Variants in PGAP1 observed in about 807,000 individuals in gnomAD.
The protein encoded by PGAP1 is post-GPI attachment to proteins inositol deacylase 1.
In PGAP1, 76 loss-of-function variants were observed where a neutral mutation model predicts 127.0. The observed-to-expected ratio is 0.60, with a 90% confidence interval of 0.50 to 0.72. PGAP1 has a LOEUF of 0.72. Among genes scored for constraint, PGAP1 ranks in the 30% least tolerant of loss-of-function variants. The pLI is 0.00. For synonymous variants in PGAP1, 362 were observed against 366.5 expected, an observed-to-expected ratio of 0.99 and a Z score of 0.14; for missense variants, 982 against 1,071.3, an observed-to-expected ratio of 0.92 and a Z score of 1.16.
chr2:196,922,213 C>G (rs1703218621), intron 1 of PGAP1: 5 of 1,288,934 alleles, frequency 3.9e-6, no homozygotes, highest in Non-Finnish European at 5.1e-6. Flanking sequence ...GGTAAAAATT[C>G]TAATAAACTC....
Position 196,885,436 on chromosome 2 carries a change from C to A in PGAP1, c.1260G>T (p.Leu420=). 6.2e-7 allele frequency: 1 copy of A among 1,600,854 alleles called. No individual in the cohort carries two copies. ...GVDLSWKAEL[L]PTIKYLTLRL... ...AGCCATAATTTACCTTAATTGTTGG[C>A]AGCAGTTCAGCTTTCCATGATAAAT... The change falls in exon 12 of 27, where the codon CTG becomes CTT. Residue 420 remains leucine (L), a synonymous_variant. Coordinates refer to ENST00000354764, the MANE Select transcript of PGAP1 (RefSeq NM_024989.4).
rs1700335267 is a variant in PGAP1 at position 196,839,267 on chromosome 2, T to C, written c.*1967A>G. 6.6e-6 allele frequency: 1 copy of C among 152,588 alleles called. No individual in the cohort carries two copies. The highest frequency in any genetic ancestry group is 2.1e-4 in the South Asian group (1 of 4,828). 9.5% of individuals were successfully genotyped at this position (152,588 alleles called of 1,614,324 possible). On this transcript the variant is annotated 3_prime_UTR_variant, in exon 27 of 27. Transcript: ENST00000354764. ...AGAAATAGTTTAAGGACACATGTAATCTGTAACTTGAGATACACTAAAATA... is the reference window on the plus strand; with the variant it reads ...AGAAATAGTTTAAGGACACATGTAACCTGTAACTTGAGATACACTAAAATA...
chr2:196,842,667 G>C, intron 26 of PGAP1, 54 bp downstream of exon 26: 1 of 830,702 alleles, frequency 1.2e-6, no homozygotes, highest in Admixed American at 2.6e-5. Flanking sequence ...TAGATATAAA[G>C]GGGGAAAAAG....
chr2:196,913,092 T>C (rs1361987401), intron 3 of PGAP1, 39 bp from the exon 4 acceptor site: 2 of 1,552,348 alleles, frequency 1.3e-6, no homozygotes, highest in Admixed American at 4.0e-5. Context: ...TGCGGCTTTG[T>C]ATCATTTTTA....
chr2:196,885,035 C>T (rs1445822286), intron 12 of PGAP1, among the ~76,000 whole-genome samples: 1 of 152,082 alleles, frequency 6.6e-6, no homozygotes, highest in Non-Finnish European at 1.5e-5. Flanking sequence ...TTGAGATGTC[C>T]ACTTCCCAAC....
intron 13 of PGAP1, among the ~76,000 whole-genome samples, chr2:196,878,407 A>C (rs959175150): frequency 6.6e-6 from 1 of 152,150 alleles, no homozygotes; most frequent in Non-Finnish European, 1.5e-5. Context: ...TCAGGGGTTG[A>C]ATTTTCCAAT....
Position 196,845,917 on chromosome 2 carries a change from C to T in PGAP1, c.2251G>A (p.Ala751Thr), listed in dbSNP as rs1700544463. Residue 751 changes from alanine to threonine, a missense_variant, in exon 23 of 27, where the codon GCC becomes ACC. By Grantham distance (58) the Ala-to-Thr change is moderately conservative. Coordinates refer to ENST00000354764, the MANE Select transcript of PGAP1 (RefSeq NM_024989.4). ...IVSWTTCGAL[A>T]ILLSYLYYVF... ...TAGTAAAGATAAGAAAGAAGTATGG[C>T]TAGTGCTCCACAAGTTGTCCAACTA... is the stretch of plus-strand genomic sequence containing the variant. The T allele has an allele frequency of 6.2e-7, 1 of 1,608,800 alleles. No homozygotes were observed.
At chr2:196,899,632 A>G (rs944858188) in intron 5 of PGAP1, among the ~76,000 whole-genome samples, 2 of 152,236 alleles carry the variant, frequency 1.3e-5, no homozygotes, top group African/African-American at 4.8e-5. Flanking sequence ...ACAAATCAAA[A>G]AGTCAGTTGC....
In PGAP1 at chr2:196,926,666, C is replaced by G. The variant is rs200058523; in HGVS notation, c.-50G>C. On this transcript the variant is annotated 5_prime_UTR_variant, in exon 1 of 27. Coordinates refer to ENST00000354764, the MANE Select transcript of PGAP1 (RefSeq NM_024989.4). ...GCCGCCGCCCCCTCTACCTCCTTCT[C>G]CGCCGCGGGGCCCCAAGCCCGGACT... 6.2e-7 allele frequency: 1 copy of G among 1,611,114 alleles called. No individual in the cohort carries two copies. Among genetic ancestry groups the G allele is most frequent in the African/African-American group, 1.3e-5 (1 of 74,936 alleles).
chr2:196,898,284 T>C, intron 6 of PGAP1, 33 bp downstream of exon 6: 3 of 1,456,378 alleles, frequency 2.1e-6, no homozygotes, highest in Non-Finnish European at 2.9e-6. Context: ...CCATGACAAC[T>C]CATCAAAACA....
chr2:196,900,701 G>A (rs1391570269), intron 5 of PGAP1, among the ~76,000 whole-genome samples: 1 of 152,154 alleles, frequency 6.6e-6, no homozygotes, highest in East Asian at 1.9e-4. Flanking sequence ...CAAGGCAGGT[G>A]AACCACGAGG....
At chr2:196,877,330 G>A (rs902634707) in intron 13 of PGAP1, among the ~76,000 whole-genome samples, 1 of 152,070 alleles carries the variant, frequency 6.6e-6, no homozygotes, top group Non-Finnish European at 1.5e-5. Flanking sequence ...GTCATGTTCT[G>A]ATGATGAGCT....
At chr2:196,919,677 T>A (rs938179947) in intron 2 of PGAP1, among the ~76,000 whole-genome samples, 1 of 152,190 alleles carries the variant, frequency 6.6e-6, no homozygotes, top group Non-Finnish European at 1.5e-5. Flanking sequence ...CTGTTCTCTT[T>A]ACCCTCCATT....
chr2:196,912,472 T>G (rs1420507749), intron 4 of PGAP1, among the ~76,000 whole-genome samples: 4 of 150,506 alleles, frequency 2.7e-5, no homozygotes, highest in Admixed American at 1.3e-4. Flanking sequence ...CCCAGATACT[T>G]GGAAGGCTGA....
chr2:196,844,462 T>A, intron 24 of PGAP1, 62 bp downstream of exon 24: 1 of 1,190,520 alleles, frequency 8.4e-7, no homozygotes, highest in Non-Finnish European at 1.2e-6. Flanking sequence ...AAAAAAAAAC[T>A]CTTATATTTC....
At chr2:196,873,376 C>A (rs1187158396) in intron 16 of PGAP1, 152 bp downstream of exon 16, 5 of 615,988 alleles carry the variant, frequency 8.1e-6, no homozygotes, top group African/African-American at 1.9e-5. Context: ...ATGTTAAATC[C>A]CCTGGAAATA....
chr2:196,890,639 A>G (rs1323756591), intron 10 of PGAP1, among the ~76,000 whole-genome samples, 189 bp downstream of exon 10: 1 of 152,216 alleles, frequency 6.6e-6, no homozygotes, highest in Admixed American at 6.5e-5. Context: ...TTACACCTTA[A>G]TAGCATAGTA....
At chr2:196,895,104 G>A (rs1010620455) in intron 7 of PGAP1, among the ~76,000 whole-genome samples, 1 of 152,034 alleles carries the variant, frequency 6.6e-6, no homozygotes, top group Admixed American at 6.6e-5. Context: ...CACATAGTGA[G>A]TTTTTAAAAC....
chr2:196,836,648 G>C lies in PGAP1; in HGVS notation c.*4586C>G, dbSNP rs1363028057. ...ATTGTGAAAGAATGCATGAGTAATGGGTAAACATAAAAGTTCATTACAGAA... is the reference window on the plus strand; with the variant it reads ...ATTGTGAAAGAATGCATGAGTAATGCGTAAACATAAAAGTTCATTACAGAA... On this transcript the variant is annotated 3_prime_UTR_variant, in exon 27 of 27. Transcript: ENST00000354764. The C allele has an allele frequency of 6.6e-6, 1 of 151,810 alleles. No individual in the cohort carries two copies. Among genetic ancestry groups the C allele is most frequent in the Non-Finnish European group, 1.5e-5 (1 of 67,930 alleles). 9.4% of individuals were successfully genotyped at this position (151,810 alleles called of 1,614,324 possible).
Sources: allele counts gnomAD v4.1 joint callset (sites outside exome capture counted in the v4.1 genomes callset), GRCh38; gene constraint gnomAD v4.1.1; transcripts MANE v1.5; gene names NCBI Gene and HGNC (gene_info 2026-07-23, HGNC 2026-07-21).